Variants in ISL1 observed in about 807,000 individuals in gnomAD.
ISL1 encodes insulin gene enhancer protein ISL-1.
In ISL1, 4 loss-of-function variants were observed where a neutral mutation model predicts 35.3. The observed-to-expected ratio is 0.11, with a 90% CI of 0.06 to 0.26. The LOEUF is 0.26. ISL1 is among the 10% of genes least tolerant of loss of function. ISL1 has a pLI of 1.00. For synonymous variants in ISL1, 186 were observed against 172.3 expected (o/e 1.08, Z -0.62); for missense variants, 340 against 472.8 (o/e 0.72, Z 2.60).
intron 2 of ISL1, chr5:51,386,299 G>T: frequency 4.3e-6 from 1 of 230,928 alleles, no homozygotes; most frequent in Non-Finnish European, 8.8e-6. Context: ...ACACAGGCTT[G>T]CATGTGCCTA....
At position 51,383,546 on chromosome 5, in the gene ISL1, T is replaced by C; in HGVS notation, c.-126T>C. 1 of 851,824 alleles carries C rather than the reference T, an allele frequency of 1.2e-6. No homozygotes were observed. The highest frequency in any genetic ancestry group is 1.8e-5 in the Admixed American group (1 of 56,886). 52.8% of individuals were successfully genotyped at this position (851,824 alleles called of 1,614,324 possible). A position where few individuals can be genotyped will look rare whatever the true frequency, so the allele number is the denominator to read the frequency against. On this transcript the variant is annotated 5_prime_UTR_variant, in exon 1 of 6. Transcript: ENST00000230658. Reference sequence around the variant, plus strand: ...GCGCGGCGCAGCCGAGCAGCGGCTCTTTCAGCATTGGCAACCCCAGGGGCC... The same window carrying C: ...GCGCGGCGCAGCCGAGCAGCGGCTCCTTCAGCATTGGCAACCCCAGGGGCC...
At position 51,394,619 on chromosome 5, in the gene ISL1, C is replaced by G. The variant is rs1386772585; in HGVS notation, c.*1009C>G. The G allele has an allele frequency of 6.6e-6, 1 of 152,360 alleles. No homozygotes were observed. The highest frequency in any genetic ancestry group is 2.4e-5 in the African/African-American group (1 of 41,466). The allele number at this position is 152,360 out of a possible 1,614,324, so 9.4% of individuals were successfully genotyped here. ...TGGTCTTTGAATTATATGTCTAATT[C>G]TATGTGTTTTGTCTTTTTCTTAAAT... On this transcript the variant is annotated 3_prime_UTR_variant, in exon 6 of 6. Transcript: ENST00000230658.
At chr5:51,385,410 C>T (rs1747320021) in intron 2 of ISL1, among the ~76,000 whole-genome samples, 1 of 152,184 alleles carries the variant, frequency 6.6e-6, no homozygotes, top group Non-Finnish European at 1.5e-5. Context: ...TAGAGCAGAT[C>T]AAATTGCCCA....
intron 2 of ISL1, among the ~76,000 whole-genome samples, chr5:51,385,047 A>G (rs746552857): frequency 1.3e-5 from 2 of 152,196 alleles, no homozygotes; most frequent in African/African-American, 2.4e-5. Context: ...AAATTTTAAA[A>G]AGATGGAGAA....
intron 2 of ISL1, chr5:51,386,605 A>G: frequency 2.2e-6 from 1 of 456,104 alleles, no homozygotes; most frequent in Non-Finnish European, 4.4e-6. Flanking sequence ...GCCTAGATGG[A>G]ACCTATAAAG....
At position 51,384,683 on chromosome 5, in the gene ISL1, A is replaced by T; in HGVS notation, c.171A>T (p.Thr57=). 1 of 1,614,164 alleles carries T rather than the reference A, an allele frequency of 6.2e-7. No homozygotes were observed. The highest frequency in any genetic ancestry group is 8.5e-7 in the Non-Finnish European group (1 of 1,180,014). ...ECNQYLDESC[T]CFVRDGKTYC... is the part of the protein sequence containing the mutation. The stretch of plus-strand genomic sequence containing the variant: ...ATCAGTATTTGGACGAGAGCTGTAC[A>T]TGCTTTGTTAGGGATGGGAAAACCT... The change falls in exon 2 of 6, where the codon ACA becomes ACT. Residue 57 remains threonine, a synonymous_variant. Transcript: ENST00000230658.
intron 4 of ISL1, among the ~76,000 whole-genome samples, chr5:51,390,636 C>CCTTTTTTTTTTTTTT (rs1747475980): frequency 2.7e-4 from 20 of 74,332 alleles, no homozygotes; most frequent in African/African-American, 8.0e-4. Flanking sequence ...TCTTTTCTTT[C>CCTTTTTTTTTTTTTT]TTTTTCTTTT....
chr5:51,385,607 G>A (rs1747325166), intron 2 of ISL1, among the ~76,000 whole-genome samples: 1 of 149,490 alleles, frequency 6.7e-6, no homozygotes, highest in Admixed American at 6.6e-5. Flanking sequence ...AATTTATTCT[G>A]CAACACGTTT....
Position 51,389,640 on chromosome 5 carries a change from C to A in ISL1, c.479-6C>A. The stretch of plus-strand genomic sequence containing the variant: ...CCCAGCGCTCACGGCGCTCCTTGCC[C>A]CGCAGCGGAGCCCATCTCCGCCAGG... On this transcript the variant is annotated splice_polypyrimidine_tract_variant and splice_region_variant and intron_variant, in intron 3 of 5. Transcript: ENST00000230658. The surrounding 1 kb of genome is among the most constrained non-coding windows in gnomAD (Gnocchi z 5.0). The A allele has an allele frequency of 4.4e-6, 7 of 1,606,044 alleles. No homozygotes were observed. Among genetic ancestry groups the A allele is most frequent in the Non-Finnish European group, 5.9e-6 (7 of 1,178,822 alleles).
chr5:51,390,903 C>G (rs766845460), intron 4 of ISL1, among the ~76,000 whole-genome samples: 1 of 151,540 alleles, frequency 6.6e-6, no homozygotes, highest in African/African-American at 2.4e-5. Context: ...AGAAAACCAC[C>G]CTGTCTAGAG....
At chr5:51,390,972 A>G (rs1332224653) in intron 4 of ISL1, among the ~76,000 whole-genome samples, 1 of 151,934 alleles carries the variant, frequency 6.6e-6, no homozygotes, top group Non-Finnish European at 1.5e-5. Flanking sequence ...TGGTCTGAGA[A>G]GGCAGAGGGG....
chr5:51,389,597 C>G lies in ISL1; in HGVS notation c.479-49C>G, dbSNP rs541905410. The G allele has an allele frequency of 7.6e-6, 11 of 1,449,466 alleles. No homozygotes were observed. Among genetic ancestry groups the G allele is most frequent in the Non-Finnish European group, 9.0e-6 (10 of 1,105,826 alleles). The allele number at this position is 1,449,466 out of a possible 1,614,324, so 89.8% of individuals were successfully genotyped here. Reference sequence around the variant, plus strand: ...AGCGAGCGCGCGACCGCGGGCGGGCCGGCAAGCGAGCCTCCAGCCCAGCGC... The same window carrying G: ...AGCGAGCGCGCGACCGCGGGCGGGCGGGCAAGCGAGCCTCCAGCCCAGCGC... On this transcript the variant is annotated intron_variant, in intron 3 of 5. Transcript: ENST00000230658. The surrounding 1 kb of genome is among the most constrained non-coding windows in gnomAD (Gnocchi z 5.0).
intron 5 of ISL1, among the ~76,000 whole-genome samples, chr5:51,393,092 T>C (rs1472553809): frequency 1.3e-5 from 2 of 152,278 alleles, no homozygotes; most frequent in Admixed American, 1.3e-4. Context: ...ATTTTCCAAC[T>C]GAAGAAGAGA....
chr5:51,388,396 ATCAT>A (rs1453987878), intron 3 of ISL1, among the ~76,000 whole-genome samples: 1 of 152,218 alleles, frequency 6.6e-6, no homozygotes, highest in African/African-American at 2.4e-5. Flanking sequence ...GCTTCTTTAA[ATCAT>A]TCATTCTATA....
chr5:51,391,423 G>C lies in ISL1; in HGVS notation c.915G>C (p.Gln305His). ...TCGCCTTGCAGAGTGACATAGATCA[G>C]CCTGCTTTTCAGCAACTGGTAAGTG... ...SDFALQSDIDQPAFQQLVNFS... is the reference protein window; with the variant it reads ...SDFALQSDIDHPAFQQLVNFS... The change falls in exon 5 of 6, where the codon CAG (glutamine) becomes CAC (histidine). Residue 305 changes from glutamine to histidine, a missense_variant. Coordinates refer to ENST00000230658, the MANE Select transcript of ISL1 (RefSeq NM_002202.3). 6.2e-7 allele frequency: 1 copy of C among 1,614,186 alleles called. No individual in the cohort carries two copies. The highest frequency in any genetic ancestry group is 8.5e-7 in the Non-Finnish European group (1 of 1,180,042).
intron 5 of ISL1, among the ~76,000 whole-genome samples, chr5:51,392,796 G>T (rs1465496417): frequency 6.6e-6 from 1 of 152,152 alleles, no homozygotes; most frequent in East Asian, 1.9e-4. Flanking sequence ...GTTAGAGAAG[G>T]TTTACAACAG....
Position 51,387,759 on chromosome 5 carries a change from T to C in ISL1, c.478+10T>C, listed in dbSNP as rs371513468. On this transcript the variant is annotated intron_variant, in intron 3 of 5. Transcript: ENST00000230658. The surrounding 1 kb of genome is among the most constrained non-coding windows in gnomAD (Gnocchi z 4.3). Reference sequence around the variant, plus strand: ...CCACTGCAAATGGCAGGTACTCCTCTGCCCGGCTCGGGTAGGCAGGCGCCA... The same window carrying C: ...CCACTGCAAATGGCAGGTACTCCTCCGCCCGGCTCGGGTAGGCAGGCGCCA... 6.2e-7 allele frequency: 1 copy of C among 1,613,720 alleles called. No individual in the cohort carries two copies. The highest frequency in any genetic ancestry group is 1.3e-5 in the African/African-American group (1 of 74,956).
intron 2 of ISL1, among the ~76,000 whole-genome samples, chr5:51,385,915 CA>C (rs913168205): frequency 1.3e-5 from 2 of 151,952 alleles, no homozygotes; most frequent in Non-Finnish European, 2.9e-5. Context: ...ACTTAGTATC[CA>C]GCATTTTTTT....
At chr5:51,386,376 C>G (rs1747341755) in intron 2 of ISL1, 4 of 262,660 alleles carry the variant, frequency 1.5e-5, no homozygotes, top group Admixed American at 9.3e-5. Flanking sequence ...TCTCTCAACT[C>G]TGTGTGTGTG....
Sources: allele counts gnomAD v4.1 joint callset (sites outside exome capture counted in the v4.1 genomes callset), GRCh38; gene constraint gnomAD v4.1.1; non-coding constraint Gnocchi (gnomAD v3.1); transcripts MANE v1.5; gene names NCBI Gene and HGNC (gene_info 2026-07-23, HGNC 2026-07-21).